SORCS1: variants seen among roughly 807,000 people sequenced by gnomAD.
The protein encoded by SORCS1 is VPS10 domain-containing receptor SorCS1.
A neutral mutation model predicts 146.1 loss-of-function variants in SORCS1; 60 were observed. The ratio of observed to expected loss-of-function variants is 0.41; its 90% CI spans 0.33 to 0.51. The LOEUF is 0.51. SORCS1 is among the 20% of genes least tolerant of loss of function. SORCS1 has a pLI of 0.21. For synonymous variants in SORCS1, 637 were observed against 584.0 expected, an observed-to-expected ratio of 1.09 and a Z score of -1.31; for missense variants, 1,352 against 1,487.6, an observed-to-expected ratio of 0.91 and a Z score of 1.50.
At chr10:106,952,827 T>C (rs1485098158) in intron 2 of SORCS1, among the ~76,000 whole-genome samples, 1 of 151,020 alleles carries the variant, frequency 6.6e-6, no homozygotes, top group South Asian at 2.1e-4. Context: ...ATAATAATAA[T>C]AAAAAATTAG....
At chr10:107,101,399 C>G (rs1043859549) in intron 1 of SORCS1, among the ~76,000 whole-genome samples, 1 of 152,138 alleles carries the variant, frequency 6.6e-6, no homozygotes, top group African/African-American at 2.4e-5. Flanking sequence ...ATCAATGAAC[C>G]AACACTGACA....
intron 5 of SORCS1, among the ~76,000 whole-genome samples, chr10:106,732,586 T>C (rs1856673999): frequency 6.6e-6 from 1 of 152,130 alleles, no homozygotes; most frequent in African/African-American, 2.4e-5. Context: ...CTACCACCAC[T>C]TATTCCCAGG....
intron 1 of SORCS1, among the ~76,000 whole-genome samples, chr10:107,032,412 C>A (rs1037821831): frequency 1.3e-5 from 2 of 152,188 alleles, no homozygotes; most frequent in Non-Finnish European, 2.9e-5. Context: ...TGCTTACCTG[C>A]ATTTTTTTCC....
chr10:107,039,328 T>G (rs1425494767), intron 1 of SORCS1, among the ~76,000 whole-genome samples: 1 of 24,764 alleles, frequency 4.0e-5, no homozygotes, highest in African/African-American at 1.3e-4. Context: ...CCATCTCAAA[T>G]AAAGAAAAAA....
chr10:107,109,882 T>C (rs1364833437), intron 1 of SORCS1, among the ~76,000 whole-genome samples: 2 of 152,202 alleles, frequency 1.3e-5, no homozygotes, highest in Non-Finnish European at 2.9e-5. Flanking sequence ...CCAGGACATA[T>C]CTTGAATACT....
intron 2 of SORCS1, among the ~76,000 whole-genome samples, chr10:106,881,429 C>T (rs150054750): frequency 1.1e-3 from 168 of 152,276 alleles, no homozygotes; most frequent in African/African-American, 3.6e-3. Context: ...CCAAAGGTGA[C>T]AAATATATTC....
intron 2 of SORCS1, among the ~76,000 whole-genome samples, chr10:106,903,101 T>A (rs1951779125): frequency 6.6e-6 from 1 of 152,056 alleles, no homozygotes; most frequent in South Asian, 2.1e-4. Context: ...ACAAAATAAT[T>A]AGCTGGTAAA....
At chr10:106,603,085 G>GACAAC (rs1176821337) in intron 23 of SORCS1, among the ~76,000 whole-genome samples, 6 of 152,042 alleles carry the variant, frequency 3.9e-5, no homozygotes, top group Non-Finnish European at 7.4e-5. Flanking sequence ...GATCCTGAAA[G>GACAAC]ACAACACACC....
chr10:106,909,782 G>A (rs559919362), intron 2 of SORCS1, among the ~76,000 whole-genome samples: 4 of 152,104 alleles, frequency 2.6e-5, no homozygotes, highest in South Asian at 2.1e-4. Flanking sequence ...CATGAAATTC[G>A]TTCTCCTTTC....
rs770476839 is a variant in SORCS1, at chr10:106,672,928, C to T, written c.1998G>A (p.Lys666=). 7.4e-6 allele frequency: 12 copies of T among 1,613,994 alleles called. No homozygotes were observed. Among genetic ancestry groups the T allele is most frequent in the Non-Finnish European group, 5.1e-6 (6 of 1,180,010 alleles). The change falls in exon 15 of 26, where the codon AAG becomes AAA. Residue 666 remains lysine, a synonymous_variant. Transcript: ENST00000263054. ...SEWQLVKVDY[K]SIFDRRCAEE... ...CGGCACACCGTCTATCAAAAATGGA[C>T]TTGTAATCTACTTTGACCAGCTGCC...
At chr10:106,742,564 G>T (rs1857438725) in intron 5 of SORCS1, among the ~76,000 whole-genome samples, 1 of 152,124 alleles carries the variant, frequency 6.6e-6, no homozygotes, top group Admixed American at 6.6e-5. Flanking sequence ...ATTTTTAGTG[G>T]AAATGAGGTT....
chr10:107,157,116 T>C, intron 1 of SORCS1, among the ~76,000 whole-genome samples: 1 of 152,206 alleles, frequency 6.6e-6, no homozygotes, highest in East Asian at 1.9e-4. Flanking sequence ...ATGGAAAACC[T>C]TAAGGATACA....
intron 17 of SORCS1, among the ~76,000 whole-genome samples, chr10:106,665,760 G>T (rs1851084610): frequency 1.3e-5 from 2 of 152,032 alleles, no homozygotes; most frequent in Non-Finnish European, 2.9e-5. Context: ...CACCTATGAT[G>T]GGTAACTTAA....
chr10:107,064,286 T>A (rs917753295), intron 1 of SORCS1, among the ~76,000 whole-genome samples: 1 of 152,180 alleles, frequency 6.6e-6, no homozygotes, highest in Non-Finnish European at 1.5e-5. Flanking sequence ...TTTATCCTTA[T>A]TTGTCCCGCC....
chr10:107,012,603 A>C (rs1957738214), intron 1 of SORCS1, among the ~76,000 whole-genome samples: 1 of 152,166 alleles, frequency 6.6e-6, no homozygotes, highest in Admixed American at 6.5e-5. Context: ...AGAGAGGTGA[A>C]GTTACTTGTC....
chr10:107,171,594 G>A, the SORCS1 span, among the ~76,000 whole-genome samples: 5 of 133,188 alleles, frequency 3.8e-5, no homozygotes, highest in Admixed American at 2.6e-4. Flanking sequence ...TTGGCTCACT[G>A]CAACCTCTGC....
At chr10:106,986,954 T>G (rs926202812) in intron 1 of SORCS1, among the ~76,000 whole-genome samples, 26 of 152,214 alleles carry the variant, frequency 1.7e-4, no homozygotes, top group Admixed American at 1.6e-3. Flanking sequence ...TATCTTCAGG[T>G]TGGTTTCTCT....
chr10:107,050,240 T>C (rs558868183), intron 1 of SORCS1, among the ~76,000 whole-genome samples: 142 of 152,320 alleles, frequency 9.3e-4, no homozygotes, highest in African/African-American at 3.2e-3. Flanking sequence ...TTAGATTTCT[T>C]TCTCTTTTTT....
chr10:106,816,283 CTG>C (rs1197580607), intron 3 of SORCS1, among the ~76,000 whole-genome samples: 3 of 152,348 alleles, frequency 2.0e-5, no homozygotes, highest in East Asian at 1.9e-4. Context: ...CAATGAACAT[CTG>C]TGATTTCAGA....
Sources: allele counts gnomAD v4.1 joint callset (sites outside exome capture counted in the v4.1 genomes callset), GRCh38; gene constraint gnomAD v4.1.1; transcripts MANE v1.5; gene names NCBI Gene and HGNC (gene_info 2026-07-23, HGNC 2026-07-21).